DDX31: variants seen among roughly 807,000 people sequenced by gnomAD.
DDX31 encodes the protein DEAD-box helicase 31.
Under a neutral mutation model 91.3 loss-of-function variants are expected in DDX31, and 70 were observed. That is an observed-to-expected ratio of 0.77 (90% CI 0.63 to 0.94). The LOEUF (loss-of-function observed/expected upper bound fraction) is 0.94, where lower values mean the gene tolerates loss of function less well. Ranked by LOEUF, DDX31 falls within the 40% of genes least tolerant of loss-of-function variation. DDX31 has a pLI of 0.00. For synonymous variants in DDX31, 362 were observed against 350.6 expected, an observed-to-expected ratio of 1.03 and a Z score of -0.36; for missense variants, 902 against 925.0, an observed-to-expected ratio of 0.98 and a Z score of 0.32.
intron 19 of DDX31, among the ~76,000 whole-genome samples, chr9:132,601,404 G>A (rs984718663): frequency 2.0e-5 from 3 of 152,170 alleles, no homozygotes; most frequent in Admixed American, 6.5e-5. Flanking sequence ...TTCGAATCGC[G>A]GCTCTGCCCA....
rs1834168087 is a variant in DDX31 at position 132,651,254 on chromosome 9, CTAATA to C, written c.634-143_634-139del. 10 of 684,800 alleles carry C rather than the reference CTAATA, an allele frequency of 1.5e-5. No individual in the cohort carries two copies. The South Asian group carries it at 2.1e-4, about 14-fold the overall frequency. 42.4% of individuals were successfully genotyped at this position (684,800 alleles called of 1,614,324 possible). On this transcript the variant is annotated intron_variant, in intron 7 of 19. Coordinates refer to ENST00000372159, the MANE Select transcript of DDX31 (RefSeq NM_022779.9). ...AGAAAAAAAATCCTATACACAGAAT[CTAATA>C]TACCTTGTTCTTAGACTGGTTCTGC...
intron 1 of DDX31, 157 bp downstream of exon 1, chr9:132,669,703 T>TAAA (rs2130883400): frequency 6.5e-7 from 1 of 1,533,586 alleles, no homozygotes; most frequent in Non-Finnish European, 8.7e-7. Flanking sequence ...TAGAGACACG[T>TAAA]GTTTCGGCGC....
At position 132,595,021 on chromosome 9, in the gene DDX31, T is replaced by G; in HGVS notation, c.2086A>C (p.Lys696Gln). The change falls in exon 20 of 20, where the codon AAG becomes CAG. Residue 696 changes from lysine to glutamine, a missense_variant. Lys to Gln is a moderately conservative substitution (Grantham distance 53). Transcript: ENST00000372159. This position sits in a 1 kb window ranked among gnomAD's most constrained non-coding sequence, Gnocchi z 4.6. ...CCAGGTGCGTTTTGCTTTTTGACCT[T>G]GGCGATGTCGGCCTCCATGCCGCTT... ...YSSGMEADIAKVKKQNAPGEP... is the reference protein window; with the variant it reads ...YSSGMEADIAQVKKQNAPGEP... 2 of 1,614,222 alleles carry G rather than the reference T, an allele frequency of 1.2e-6. No individual in the cohort carries two copies. Among genetic ancestry groups the G allele is most frequent in the Non-Finnish European group, 1.7e-6 (2 of 1,180,040 alleles).
chr9:132,647,999 T>G (rs539996900), intron 11 of DDX31, among the ~76,000 whole-genome samples, 190 bp downstream of exon 11: 1 of 152,210 alleles, frequency 6.6e-6, no homozygotes, highest in East Asian at 1.9e-4. Context: ...ATATCTGTCT[T>G]GGATGACTTG....
rs1451663037 is a variant in DDX31, at chr9:132,648,314, A to G, written c.861-19T>C. The G allele has an allele frequency of 6.2e-7, 1 of 1,604,392 alleles. No homozygotes were observed. ...CAAGATTCTGTGATTGTAAAAAAAAAAAGAAATTTTCAACTATATGAAGAG... is the reference window on the plus strand; with the variant it reads ...CAAGATTCTGTGATTGTAAAAAAAAGAAGAAATTTTCAACTATATGAAGAG... On this transcript the variant is annotated intron_variant, in intron 10 of 19. Coordinates refer to ENST00000372159, the MANE Select transcript of DDX31 (RefSeq NM_022779.9).
In DDX31 at chr9:132,604,963, G is replaced by A. The variant is rs949643647; in HGVS notation, c.1994+7124C>T. Among the ~76,000 whole-genome samples, 4 of 152,172 alleles carry A rather than the reference G, an allele frequency of 2.6e-5. No homozygotes were observed. In the East Asian group the frequency reaches 7.7e-4, roughly 29 times the overall value. ...CCAGCGGCTGGACCACGAGGGGCATGGGGAATGCTGTCCTTCCTGAGGATG... is the reference window on the plus strand; with the variant it reads ...CCAGCGGCTGGACCACGAGGGGCATAGGGAATGCTGTCCTTCCTGAGGATG... On this transcript the variant is annotated intron_variant, in intron 19 of 19. Transcript: ENST00000372159.
chr9:132,601,451 T>C (rs996422018), intron 19 of DDX31, among the ~76,000 whole-genome samples: 2 of 152,308 alleles, frequency 1.3e-5, no homozygotes, highest in African/African-American at 2.4e-5. Context: ...TTTCCTCCTC[T>C]GTAAAACAGG....
intron 14 of DDX31, among the ~76,000 whole-genome samples, chr9:132,634,751 C>T (rs981120304): frequency 1.3e-5 from 2 of 152,046 alleles, no homozygotes; most frequent in African/African-American, 4.8e-5. Context: ...AGTTCCGCCA[C>T]ACCCAGCTAA....
At chr9:132,650,340 T>C (rs1184409834) in intron 8 of DDX31, 42 bp from the exon 9 acceptor site, 1 of 1,580,944 alleles carries the variant, frequency 6.3e-7, no homozygotes, top group Non-Finnish European at 8.7e-7. Flanking sequence ...AAAGCCCCCT[T>C]TACTAACATC....
chr9:132,599,002 G>C (rs1830587184), intron 19 of DDX31, among the ~76,000 whole-genome samples: 1 of 152,184 alleles, frequency 6.6e-6, no homozygotes, highest in Non-Finnish European at 1.5e-5. Context: ...ACTTCCTGCA[G>C]GCTCTGTGTG....
At chr9:132,610,939 G>A (rs1308080062) in intron 19 of DDX31, among the ~76,000 whole-genome samples, 1 of 152,180 alleles carries the variant, frequency 6.6e-6, no homozygotes, top group African/African-American at 2.4e-5. Flanking sequence ...CCTCCACTGG[G>A]TGGTCCCTCT....
At chr9:132,622,938 C>A (rs1018943588) in intron 17 of DDX31, among the ~76,000 whole-genome samples, 4 of 151,788 alleles carry the variant, frequency 2.6e-5, no homozygotes, top group African/African-American at 9.7e-5. Context: ...TGAGGCCAGC[C>A]TGGCCAAGAT....
At chr9:132,663,286 C>A in intron 1 of DDX31, 3 of 1,289,160 alleles carry the variant, frequency 2.3e-6, no homozygotes, top group Non-Finnish European at 1.0e-6. Flanking sequence ...CAGATTCAGA[C>A]GGCCTGGAGA....
intron 1 of DDX31, chr9:132,669,542 G>C (rs2130882175): frequency 1.4e-6 from 2 of 1,421,976 alleles, no homozygotes; most frequent in Admixed American, 4.2e-5. Context: ...CTTTGGCCTG[G>C]GACTTGCGCC....
intron 13 of DDX31, 129 bp from the exon 14 acceptor site, chr9:132,642,192 G>A: frequency 1.3e-6 from 1 of 789,960 alleles, no homozygotes; most frequent in East Asian, 2.7e-5. Flanking sequence ...GGTTTGCCAG[G>A]AAAGAGGAAG....
rs537520728 is a variant in DDX31 at position 132,650,601 on chromosome 9, G to A, written c.676-303C>T. On this transcript the variant is annotated intron_variant, in intron 8 of 19. Coordinates refer to ENST00000372159, the MANE Select transcript of DDX31 (RefSeq NM_022779.9). Reference sequence around the variant, plus strand: ...GAGCCTGAACTGAAAACACATGTCAGTAAGTCTACTGCCATTTTTGGGGTT... The same window carrying A: ...GAGCCTGAACTGAAAACACATGTCAATAAGTCTACTGCCATTTTTGGGGTT... 4.1e-4 allele frequency among the ~76,000 whole-genome samples: 62 copies of A among 152,246 alleles called. 1 individual carries two copies. Among genetic ancestry groups the A allele is most frequent in the African/African-American group, 1.4e-3 (60 of 41,546 alleles).
chr9:132,617,674 C>G (rs926963382), intron 18 of DDX31, among the ~76,000 whole-genome samples: 2 of 152,144 alleles, frequency 1.3e-5, no homozygotes, highest in African/African-American at 2.4e-5. Flanking sequence ...CAGTCTCTGG[C>G]CAAGACATCC....
rs1011254240 is a variant in DDX31, at chr9:132,658,390, G to T, written c.588+281C>A. The T allele has an allele frequency of 1.4e-5, 10 of 702,834 alleles. No individual in the cohort carries two copies. The African/African-American group carries it at 1.7e-4, about 12-fold the overall frequency. The allele number at this position is 702,834 out of a possible 1,614,324, so 43.5% of individuals were successfully genotyped here. A position where few individuals can be genotyped will look rare whatever the true frequency, so the allele number is the denominator to read the frequency against. On this transcript the variant is annotated intron_variant, in intron 6 of 19. Transcript: ENST00000372159. ...CACAGTGGGGGAGAGAGCAGTTAAA[G>T]ATTCAAGAAGGGAACACATGCAAAG...
intron 17 of DDX31, among the ~76,000 whole-genome samples, chr9:132,623,486 G>A (rs1832177249): frequency 6.9e-6 from 1 of 143,912 alleles, no homozygotes; most frequent in South Asian, 2.3e-4. Flanking sequence ...CTGGGAGGCA[G>A]AGGTTGTAGT....
Sources: gnomAD v4.1 joint callset for allele counts (sites outside exome capture counted in the v4.1 genomes callset) on GRCh38, gnomAD v4.1.1 for gene constraint, Gnocchi (gnomAD v3.1) non-coding constraint, MANE v1.5 for transcripts, NCBI Gene and HGNC (gene_info 2026-07-23, HGNC 2026-07-21) for gene names.